The following SPAG16 variants were observed in gnomAD, a reference collection of about 807,000 sequenced individuals.
The protein encoded by SPAG16 is sperm associated antigen 16, also known as sperm-associated antigen 16 protein.
SPAG16 carries 86 observed loss-of-function variants against 80.4 expected under a neutral mutation model. That is an observed-to-expected ratio of 1.07 (90% CI 0.90 to 1.28). SPAG16 has a LOEUF of 1.28. Ranked by LOEUF, SPAG16 falls within the 50% of genes most tolerant of loss-of-function variation. SPAG16 has a pLI of 0.00. For missense variants in SPAG16, 870 were observed against 765.3 expected (o/e 1.14, Z -1.61); for synonymous variants, 294 against 265.9 (o/e 1.11, Z -1.03).
chr2:213,787,785 A>G lies in SPAG16; in HGVS notation c.1071-74700A>G, dbSNP rs989118979. ...TTTAGGAGTGGCAGTTGATACAACA[A>G]TTTTTGGATGGCAATATTATACTAT... On this transcript the variant is annotated intron_variant, in intron 10 of 15. Coordinates refer to ENST00000331683, the MANE Select transcript of SPAG16 (RefSeq NM_024532.5). 5.9e-5 allele frequency among the ~76,000 whole-genome samples: 9 copies of G among 152,030 alleles called. No individual in the cohort carries two copies. The East Asian group carries it at 7.7e-4, about 13-fold the overall frequency.
chr2:213,940,094 G>T (rs570162479), intron 12 of SPAG16, among the ~76,000 whole-genome samples: 1 of 152,076 alleles, frequency 6.6e-6, no homozygotes, highest in South Asian at 2.1e-4. Flanking sequence ...ATTTGAAAAG[G>T]TACAAAATTT....
intron 10 of SPAG16, among the ~76,000 whole-genome samples, chr2:213,821,918 A>G (rs1433345062): frequency 6.6e-6 from 1 of 152,132 alleles, no homozygotes; most frequent in Non-Finnish European, 1.5e-5. Flanking sequence ...TCCATTTTTT[A>G]TATGTACCAC....
intron 11 of SPAG16, among the ~76,000 whole-genome samples, chr2:213,920,676 C>A (rs1559589452): frequency 1.3e-5 from 2 of 152,184 alleles, no homozygotes. Flanking sequence ...AAGAGGCCAG[C>A]AGACCAAGGG....
rs760890676 is a variant in SPAG16 at position 213,340,247 on chromosome 2, CAAAT to C, written c.622_625del (p.Lys208Ter). The stretch of plus-strand genomic sequence containing the variant: ...ATAAGCGAATAGTCCAGGAAAAAAA[CAAAT>C]TAATTAATGACCTCAAAGGGTAAGC... On this transcript the variant is annotated frameshift_variant, in exon 6 of 16. Transcript: ENST00000331683. LOFTEE classifies it high-confidence loss of function. 17 of 1,607,768 alleles carry C rather than the reference CAAAT, an allele frequency of 1.1e-5. No homozygotes were observed. The highest frequency in any genetic ancestry group is 1.4e-5 in the Non-Finnish European group (17 of 1,175,962).
At chr2:213,491,444 T>A (rs1246328215) in intron 10 of SPAG16, among the ~76,000 whole-genome samples, 1 of 152,234 alleles carries the variant, frequency 6.6e-6, no homozygotes, top group African/African-American at 2.4e-5. Context: ...CTGTTTATCC[T>A]TCTCATATTT....
At chr2:214,286,249 A>C (rs1052475057) in intron 15 of SPAG16, among the ~76,000 whole-genome samples, 1 of 152,162 alleles carries the variant, frequency 6.6e-6, no homozygotes, top group Non-Finnish European at 1.5e-5. Context: ...CTGGAGATCT[A>C]ACGTACAACA....
chr2:213,640,271 A>G, intron 10 of SPAG16, among the ~76,000 whole-genome samples: 1 of 152,026 alleles, frequency 6.6e-6, no homozygotes, highest in Non-Finnish European at 1.5e-5. Context: ...CTTGGTTTGG[A>G]TCCATTGCTA....
intron 10 of SPAG16, among the ~76,000 whole-genome samples, chr2:213,670,821 A>G (rs1432909617): frequency 2.0e-5 from 3 of 152,214 alleles, no homozygotes; most frequent in Admixed American, 2.0e-4. Context: ...AATTTCTCAA[A>G]TGCCGCATAT....
chr2:214,065,244 A>C (rs1452498521), intron 13 of SPAG16, among the ~76,000 whole-genome samples: 1 of 152,086 alleles, frequency 6.6e-6, no homozygotes, highest in Non-Finnish European at 1.5e-5. Context: ...TATTTATCCT[A>C]GTGAAAATAA....
intron 10 of SPAG16, among the ~76,000 whole-genome samples, chr2:213,516,509 G>T (rs968612231): frequency 1.3e-5 from 2 of 152,046 alleles, no homozygotes; most frequent in Non-Finnish European, 2.9e-5. Flanking sequence ...TAAAGGTTGC[G>T]CTATATACCC....
intron 15 of SPAG16, among the ~76,000 whole-genome samples, chr2:214,379,038 C>T (rs1700296146): frequency 6.6e-6 from 1 of 152,192 alleles, no homozygotes; most frequent in African/African-American, 2.4e-5. Flanking sequence ...GGCTTACCTG[C>T]TGCAGGTCAC....
At chr2:213,372,182 C>A (rs2066677621) in intron 8 of SPAG16, among the ~76,000 whole-genome samples, 1 of 151,754 alleles carries the variant, frequency 6.6e-6, no homozygotes, top group South Asian at 2.1e-4. Flanking sequence ...TTTTGATTGT[C>A]ATCCTTTTAT....
At chr2:213,983,871 A>G (rs996245149) in intron 12 of SPAG16, among the ~76,000 whole-genome samples, 6 of 152,094 alleles carry the variant, frequency 3.9e-5, no homozygotes, top group African/African-American at 1.4e-4. Flanking sequence ...TCCTAAGCAT[A>G]GGGCATGATA....
chr2:214,408,089 G>T (rs1479643515), intron 15 of SPAG16, among the ~76,000 whole-genome samples: 1 of 152,160 alleles, frequency 6.6e-6, no homozygotes, highest in East Asian at 1.9e-4. Context: ...TTAATATGAG[G>T]TTCCAATATC....
At chr2:214,084,902 T>C (rs909503427) in intron 13 of SPAG16, among the ~76,000 whole-genome samples, 7 of 152,198 alleles carry the variant, frequency 4.6e-5, no homozygotes, top group South Asian at 2.1e-4. Flanking sequence ...TTATATTATA[T>C]TGAAGAAGAA....
intron 9 of SPAG16, among the ~76,000 whole-genome samples, chr2:213,406,209 C>T (rs1209598363): frequency 6.6e-6 from 1 of 152,032 alleles, no homozygotes; most frequent in Non-Finnish European, 1.5e-5. Flanking sequence ...GAAGAAATGG[C>T]TTATTAACTA....
chr2:214,234,078 C>G (rs1230900817), intron 15 of SPAG16, among the ~76,000 whole-genome samples: 1 of 151,706 alleles, frequency 6.6e-6, no homozygotes, highest in African/African-American at 2.4e-5. Context: ...GTTGTTTCCC[C>G]CCCCATGTGT....
intron 15 of SPAG16, among the ~76,000 whole-genome samples, chr2:214,376,818 G>A (rs1435539947): frequency 6.6e-6 from 1 of 152,206 alleles, no homozygotes; most frequent in Non-Finnish European, 1.5e-5. Flanking sequence ...TAAATGTTGA[G>A]TAAATCACAT....
chr2:213,463,790 A>G (rs756956783), intron 9 of SPAG16, among the ~76,000 whole-genome samples: 1 of 152,220 alleles, frequency 6.6e-6, no homozygotes, highest in Non-Finnish European at 1.5e-5. Context: ...TGGAGCCCCC[A>G]TACAGAGGCC....
Sources: allele counts gnomAD v4.1 joint callset (sites outside exome capture counted in the v4.1 genomes callset), GRCh38; gene constraint gnomAD v4.1.1; transcripts MANE v1.5; gene names NCBI Gene and HGNC (gene_info 2026-07-23, HGNC 2026-07-21).